PNPLA8: variants seen among roughly 807,000 people sequenced by gnomAD.
PNPLA8 encodes the protein patatin like domain 8, phospholipase A2.
PNPLA8 carries 39 observed loss-of-function variants against 76.9 expected under a neutral mutation model. The ratio of observed to expected loss-of-function variants is 0.51; its 90% CI spans 0.39 to 0.66. PNPLA8 has a LOEUF of 0.66. Among genes scored for constraint, PNPLA8 ranks in the 30% least tolerant of loss-of-function variants. PNPLA8 has a pLI of 0.00. For synonymous variants in PNPLA8, 301 were observed against 307.9 expected (o/e 0.98, Z 0.24); for missense variants, 887 against 918.0 (o/e 0.97, Z 0.44).
intron 2 of PNPLA8, chr7:108,518,223 C>G (rs992153842): frequency 3.3e-5 from 5 of 152,206 alleles, no homozygotes; most frequent in African/African-American, 1.2e-4. Context: ...GTTATGATTT[C>G]CACATGAATT....
chr7:108,496,874 T>C lies in PNPLA8; in HGVS notation c.1454-119A>G. 4 of 730,422 alleles carry C rather than the reference T, an allele frequency of 5.5e-6. No individual in the cohort carries two copies. The South Asian group carries it at 7.4e-5, about 14-fold the overall frequency. The allele number at this position is 730,422 out of a possible 1,614,324, so 45.2% of individuals were successfully genotyped here. On this transcript the variant is annotated intron_variant, in intron 6 of 10. Transcript: ENST00000257694. ...GTTGATACTTTCTAGCTATGTCACC[T>C]GGGACAAATGACTTTCCTTCTCAGA...
intron 5 of PNPLA8, among the ~76,000 whole-genome samples, chr7:108,498,926 G>A (rs1861750206): frequency 8.0e-6 from 1 of 125,520 alleles, no homozygotes; most frequent in Non-Finnish European, 1.8e-5. Flanking sequence ...AATTTTGAGT[G>A]TCAAATTGTG....
intron 9 of PNPLA8, among the ~76,000 whole-genome samples, chr7:108,485,714 C>A (rs549093912): frequency 6.6e-6 from 1 of 152,224 alleles, no homozygotes; most frequent in South Asian, 2.1e-4. Flanking sequence ...TCCCATCAAT[C>A]TTCTGAGTTG....
In PNPLA8 at chr7:108,514,649, A is replaced by G; in HGVS notation, c.843T>C (p.Val281=). The G allele has an allele frequency of 6.2e-7, 1 of 1,613,954 alleles. No homozygotes were observed. The highest frequency in any genetic ancestry group is 8.5e-7 in the Non-Finnish European group (1 of 1,179,834). ...AGTTAGCAATACTTTGTTTAGTTGA[A>G]ACTTGAAGAACATCAGGTATCGCAG... ...SPSAIPDVLQ[V]STKQSIANFL... Residue 281 remains valine, a synonymous_variant, in exon 3 of 11, where the codon GTT becomes GTC. Coordinates refer to ENST00000257694, the MANE Select transcript of PNPLA8 (RefSeq NM_001256007.3).
At chr7:108,507,228 A>T (rs1862507532) in intron 4 of PNPLA8, among the ~76,000 whole-genome samples, 2 of 150,528 alleles carry the variant, frequency 1.3e-5, no homozygotes, top group South Asian at 4.2e-4. Flanking sequence ...CTGTAGTCCC[A>T]GCTACTCGGG....
intron 9 of PNPLA8, among the ~76,000 whole-genome samples, chr7:108,483,341 T>C (rs140188824): frequency 1.1e-4 from 17 of 152,344 alleles, no homozygotes; most frequent in South Asian, 4.1e-4. Flanking sequence ...CAGGGCTGTG[T>C]TGACGTTCAG....
intron 7 of PNPLA8, 128 bp downstream of exon 7, chr7:108,496,456 T>G (rs1333400443): frequency 1.7e-6 from 1 of 575,810 alleles, no homozygotes; most frequent in South Asian, 3.1e-5. Context: ...GTCAAATAAT[T>G]TAATATTCTT....
At chr7:108,496,370 C>G in intron 7 of PNPLA8, 1 of 370,160 alleles carries the variant, frequency 2.7e-6, no homozygotes, top group Non-Finnish European at 4.8e-6. Context: ...ACATGCAAAT[C>G]TCACACACAC....
chr7:108,517,618 C>T (rs981582639), intron 2 of PNPLA8, among the ~76,000 whole-genome samples: 3 of 152,126 alleles, frequency 2.0e-5, no homozygotes, highest in Non-Finnish European at 4.4e-5. Context: ...GCTATCAAGC[C>T]ATAAAAAGAC....
chr7:108,485,519 C>T (rs547329788), intron 9 of PNPLA8, among the ~76,000 whole-genome samples: 1 of 152,086 alleles, frequency 6.6e-6, no homozygotes, highest in Non-Finnish European at 1.5e-5. Flanking sequence ...GATGTGACAG[C>T]TAAAAGGGAT....
chr7:108,523,230 A>T (rs536403070), intron 1 of PNPLA8, among the ~76,000 whole-genome samples: 3 of 152,328 alleles, frequency 2.0e-5, no homozygotes, highest in African/African-American at 7.2e-5. Context: ...GGATGGAAAG[A>T]ATGAATTTAC....
At chr7:108,513,246 T>C (rs1045273961) in intron 4 of PNPLA8, among the ~76,000 whole-genome samples, 34 of 152,150 alleles carry the variant, frequency 2.2e-4, no homozygotes, top group African/African-American at 8.2e-4. Flanking sequence ...CATATGTATA[T>C]TTGAGAATCT....
In PNPLA8 at chr7:108,472,570, A is replaced by T. The variant is rs1859697245; in HGVS notation, c.2180T>A (p.Leu727Gln). 1 of 1,613,040 alleles carries T rather than the reference A, an allele frequency of 6.2e-7. No homozygotes were observed. Among genetic ancestry groups the T allele is most frequent in the Non-Finnish European group, 8.5e-7 (1 of 1,179,728 alleles). ...CAACCCTTCCAACTGCAGCTGATCC[A>T]GCTTTTCATTTCGACTTTCATCTAG... ...IPLDESRNEKLDQLQLEGLKY... is the reference protein window; with the variant it reads ...IPLDESRNEKQDQLQLEGLKY... Residue 727 changes from leucine (L) to glutamine (Q), a missense_variant, in exon 11 of 11, where the codon CTG (leucine) becomes CAG (glutamine). Physicochemically the swap from Leu to Gln is moderately radical, Grantham distance 113. Transcript: ENST00000257694.
chr7:108,481,799 G>A (rs6950872), intron 9 of PNPLA8, among the ~76,000 whole-genome samples: 28,961 of 152,036 alleles, frequency 0.19, 2,976 homozygotes, highest in East Asian at 0.34. Context: ...TCATAGTTTT[G>A]TTTTACATTT....
At chr7:108,523,759 C>T (rs1181088218) in intron 1 of PNPLA8, among the ~76,000 whole-genome samples, 2 of 152,156 alleles carry the variant, frequency 1.3e-5, no homozygotes, top group East Asian at 1.9e-4. Flanking sequence ...TTCTTACTAC[C>T]CTACTACCCC....
chr7:108,510,665 A>G, intron 4 of PNPLA8: 1 of 1,596,208 alleles, frequency 6.3e-7, no homozygotes, highest in South Asian at 1.1e-5. Context: ...GGGGTACCCC[A>G]ATCTGAAGTC....
intron 4 of PNPLA8, among the ~76,000 whole-genome samples, chr7:108,512,345 T>G (rs1276396006): frequency 2.0e-5 from 3 of 152,204 alleles, no homozygotes; most frequent in Admixed American, 6.5e-5. Flanking sequence ...TTCCCTACAA[T>G]GCTTTGTGCT....
Position 108,514,948 on chromosome 7 carries a change from CTTCT to C in PNPLA8, c.540_543del (p.Glu181LysfsTer3). 1 of 1,609,402 alleles carries C rather than the reference CTTCT, an allele frequency of 6.2e-7. No homozygotes were observed. Among genetic ancestry groups the C allele is most frequent in the Non-Finnish European group, 8.5e-7 (1 of 1,179,240 alleles). ...AAAAGACTGCGTTTACCTATATCTT[CTTCT>C]TTGTCTATAATGTGACTTTTCTCTT... On this transcript the variant is annotated frameshift_variant, in exon 3 of 11. Transcript: ENST00000257694. LOFTEE classifies it high-confidence loss of function.
chr7:108,501,040 G>C (rs1052774017), intron 5 of PNPLA8, among the ~76,000 whole-genome samples: 1 of 152,136 alleles, frequency 6.6e-6, no homozygotes, highest in Non-Finnish European at 1.5e-5. Flanking sequence ...TAAAGGACTC[G>C]GGTGAATACA....
Sources: allele counts gnomAD v4.1 joint callset (sites outside exome capture counted in the v4.1 genomes callset), GRCh38; gene constraint gnomAD v4.1.1; transcripts MANE v1.5; gene names NCBI Gene and HGNC (gene_info 2026-07-23, HGNC 2026-07-21).